The following SLC24A4 variants were observed in gnomAD, a reference collection of about 807,000 sequenced individuals.
SLC24A4 encodes sodium/potassium/calcium exchanger 4.
A neutral mutation model predicts 79.0 loss-of-function variants in SLC24A4; 53 were observed. The ratio of observed to expected loss-of-function variants is 0.67; its 90% CI spans 0.54 to 0.84. The LOEUF is 0.84. Ranked by LOEUF, SLC24A4 falls within the 40% of genes least tolerant of loss-of-function variation. SLC24A4 has a pLI of 0.00. For missense variants in SLC24A4, 731 were observed against 822.0 expected, an observed-to-expected ratio of 0.89 and a Z score of 1.35; for synonymous variants, 323 against 323.8, an observed-to-expected ratio of 1.00 and a Z score of 0.03.
chr14:92,484,664 G>A, intron 13 of SLC24A4: 2 of 985,398 alleles, frequency 2.0e-6, no homozygotes, highest in Non-Finnish European at 2.4e-6. Context: ...CCTGGCCTTG[G>A]TTCAGCTAAA....
At chr14:92,355,326 T>C (rs902787713) in intron 2 of SLC24A4, among the ~76,000 whole-genome samples, 3 of 151,538 alleles carry the variant, frequency 2.0e-5, no homozygotes, top group Non-Finnish European at 2.9e-5. Flanking sequence ...CCTATAGAGA[T>C]TGGGAAGAGG....
intron 2 of SLC24A4, among the ~76,000 whole-genome samples, chr14:92,370,793 T>C (rs142779664): frequency 3.4e-4 from 52 of 152,340 alleles, no homozygotes; most frequent in Non-Finnish European, 6.6e-4. Context: ...TTAAGGCCTC[T>C]TGTGAGAGTT....
intron 8 of SLC24A4, among the ~76,000 whole-genome samples, chr14:92,446,817 G>A (rs150016589): frequency 5.3e-5 from 8 of 152,350 alleles, no homozygotes; most frequent in African/African-American, 1.9e-4. Flanking sequence ...TGGGTGGGAT[G>A]CACCAGAGGG....
chr14:92,362,372 AC>A (rs1887583385), intron 2 of SLC24A4, among the ~76,000 whole-genome samples: 5 of 150,322 alleles, frequency 3.3e-5, no homozygotes, highest in African/African-American at 9.8e-5. Context: ...TCCCTCTCTC[AC>A]CCCGCCCTTC....
Position 92,483,587 on chromosome 14 carries a change from A to G in SLC24A4, c.1422+741A>G, listed in dbSNP as rs542783023. ...AGAGGCATTGGTGTAGCTCCTCATA[A>G]GCTCCTATGGCCATACAGGACAAGT... On this transcript the variant is annotated intron_variant, in intron 13 of 16. Coordinates refer to ENST00000532405, the MANE Select transcript of SLC24A4 (RefSeq NM_153646.4). 107 of 430,730 alleles carry G rather than the reference A, an allele frequency of 2.5e-4. No homozygotes were observed. The Middle Eastern group carries it at 8.4e-3, about 34-fold the overall frequency. The allele number at this position is 430,730 out of a possible 1,614,324, so 26.7% of individuals were successfully genotyped here. A position where few individuals can be genotyped will look rare whatever the true frequency, so the allele number is the denominator to read the frequency against.
intron 2 of SLC24A4, among the ~76,000 whole-genome samples, chr14:92,392,928 C>T (rs1431947411): frequency 4.0e-5 from 6 of 151,640 alleles, no homozygotes; most frequent in African/African-American, 1.2e-4. Context: ...AGGAACATCT[C>T]TTCCTCTGTG....
At position 92,441,945 on chromosome 14, in the gene SLC24A4, G is replaced by A. The variant is rs1292729192; in HGVS notation, c.394-144G>A. 3.2e-5 allele frequency: 19 copies of A among 597,996 alleles called. No individual in the cohort carries two copies. Among genetic ancestry groups the A allele is most frequent in the Admixed American group, 5.3e-5 (2 of 37,424 alleles). 37.0% of individuals were successfully genotyped at this position (597,996 alleles called of 1,614,324 possible). ...AGATGGCAGAGGGCACACAGCATGTGCCCAGGGGTGAGAGGCTGCAGGCAG... is the reference window on the plus strand; with the variant it reads ...AGATGGCAGAGGGCACACAGCATGTACCCAGGGGTGAGAGGCTGCAGGCAG... On this transcript the variant is annotated intron_variant, in intron 4 of 16. Coordinates refer to ENST00000532405, the MANE Select transcript of SLC24A4 (RefSeq NM_153646.4). This position sits in a 1 kb window ranked among gnomAD's most constrained non-coding sequence, Gnocchi z 4.6.
chr14:92,358,858 G>GT lies in SLC24A4; in HGVS notation c.241+32887dup, dbSNP rs1314379093. ...CACCACCACGTCATTTAATTTTTGTGTTTTTTTAGTAGAGATAGGATTTCA... is the reference window on the plus strand; with the variant it reads ...CACCACCACGTCATTTAATTTTTGTGTTTTTTTTAGTAGAGATAGGATTTCA... On this transcript the variant is annotated intron_variant, in intron 2 of 16. Coordinates refer to ENST00000532405, the MANE Select transcript of SLC24A4 (RefSeq NM_153646.4). Among the ~76,000 whole-genome samples, 5 of 151,784 alleles carry GT rather than the reference G, an allele frequency of 3.3e-5. No individual in the cohort carries two copies. In the East Asian group the frequency reaches 5.8e-4, roughly 18 times the overall value.
In SLC24A4 at chr14:92,477,448, TTTTTTGTTGTTG is replaced by T. The variant is rs563305814; in HGVS notation, c.1256-5217_1256-5206del. The stretch of plus-strand genomic sequence containing the variant: ...GTATTTTCATGGTCTATCTTTTCCT[TTTTTTGTTGTTG>T]TTTTTGTTGTTGTTGTTTTGTTTTT... On this transcript the variant is annotated intron_variant, in intron 12 of 16. Transcript: ENST00000532405. 2.0e-4 allele frequency among the ~76,000 whole-genome samples: 31 copies of T among 152,278 alleles called. 1 individual carries two copies. In the East Asian group the frequency reaches 6.0e-3, roughly 29 times the overall value.
intron 13 of SLC24A4, chr14:92,483,836 C>T: frequency 1.6e-6 from 2 of 1,289,654 alleles, no homozygotes; most frequent in Non-Finnish European, 2.0e-6. Flanking sequence ...CTTTATTCTC[C>T]TCCTAATGCC....
intron 12 of SLC24A4, among the ~76,000 whole-genome samples, chr14:92,459,956 T>C (rs1326941735): frequency 2.0e-5 from 3 of 151,986 alleles, no homozygotes; most frequent in African/African-American, 7.3e-5. Flanking sequence ...GGGTGTTTCT[T>C]AGGGGTGGAT....
intron 2 of SLC24A4, among the ~76,000 whole-genome samples, chr14:92,333,723 C>T (rs1039134436): frequency 1.3e-5 from 2 of 152,000 alleles, no homozygotes; most frequent in African/African-American, 4.8e-5. Flanking sequence ...TGGATGCAAG[C>T]GCTAGATGGA....
chr14:92,368,347 G>A (rs911761441), intron 2 of SLC24A4, among the ~76,000 whole-genome samples: 1 of 152,172 alleles, frequency 6.6e-6, no homozygotes, highest in Non-Finnish European at 1.5e-5. Flanking sequence ...CCAGTATGAC[G>A]TTGAAAGGAT....
chr14:92,407,709 A>G (rs2141780328), intron 2 of SLC24A4, among the ~76,000 whole-genome samples: 1 of 152,266 alleles, frequency 6.6e-6, no homozygotes, highest in Non-Finnish European at 1.5e-5. Flanking sequence ...CTCACTCACT[A>G]TCATGAGAAC....
chr14:92,384,786 A>G (rs1197365907), intron 2 of SLC24A4, among the ~76,000 whole-genome samples: 1 of 152,150 alleles, frequency 6.6e-6, no homozygotes, highest in Non-Finnish European at 1.5e-5. Flanking sequence ...GCTTCTCTCT[A>G]CTGCCCTCCT....
In SLC24A4 at chr14:92,323,630, T is replaced by C; in HGVS notation, c.-201T>C. The C allele has an allele frequency of 5.6e-6, 3 of 536,474 alleles. No individual in the cohort carries two copies. The highest frequency in any genetic ancestry group is 9.2e-6 in the Non-Finnish European group (3 of 327,840). 33.2% of individuals were successfully genotyped at this position (536,474 alleles called of 1,614,324 possible). On this transcript the variant is annotated 5_prime_UTR_variant, in exon 1 of 17. Transcript: ENST00000532405. The surrounding 1 kb of genome is among the most constrained non-coding windows in gnomAD (Gnocchi z 4.9). The stretch of plus-strand genomic sequence containing the variant: ...GCACGCGGCGCGCGGGACTCTGAGC[T>C]CCGGCCGCGTCGCGCGTCCCCACCT...
chr14:92,460,455 T>C (rs191780977), intron 12 of SLC24A4, among the ~76,000 whole-genome samples: 3 of 152,304 alleles, frequency 2.0e-5, no homozygotes, highest in Admixed American at 6.5e-5. Flanking sequence ...GACTACAGTG[T>C]TCTAGAAAGA....
At chr14:92,391,150 A>G (rs1357756777) in intron 2 of SLC24A4, among the ~76,000 whole-genome samples, 1 of 152,208 alleles carries the variant, frequency 6.6e-6, no homozygotes, top group Non-Finnish European at 1.5e-5. Context: ...GCCCCTGGCT[A>G]GTCAGTAATT....
intron 2 of SLC24A4, among the ~76,000 whole-genome samples, chr14:92,349,968 C>T (rs916061776): frequency 6.6e-6 from 1 of 152,200 alleles, no homozygotes; most frequent in African/African-American, 2.4e-5. Flanking sequence ...GGCAGACACT[C>T]ACCGCCTACC....
Sources: gnomAD v4.1 joint callset for allele counts (sites outside exome capture counted in the v4.1 genomes callset) on GRCh38, gnomAD v4.1.1 for gene constraint, Gnocchi (gnomAD v3.1) non-coding constraint, MANE v1.5 for transcripts, NCBI Gene and HGNC (gene_info 2026-07-23, HGNC 2026-07-21) for gene names.